Variants in NME9 observed in about 807,000 individuals in gnomAD.
NME9 encodes the protein NME/NM23 family member 9.
NME9 carries 48 observed loss-of-function variants against 44.4 expected under a neutral mutation model. That is an observed-to-expected ratio of 1.08 (90% confidence interval 0.86 to 1.37). The LOEUF is 1.37. NME9 is among the 40% of genes most tolerant of loss of function. The pLI, the probability that NME9 is intolerant of heterozygous loss-of-function variation, is 0.00. For synonymous variants in NME9, 139 were observed against 147.1 expected (o/e 0.94, Z 0.40); for missense variants, 325 against 405.2 (o/e 0.80, Z 1.70).
intron 8 of NME9, among the ~76,000 whole-genome samples, chr3:138,295,588 G>A (rs1180241056): frequency 1.3e-5 from 2 of 152,212 alleles, no homozygotes; most frequent in Admixed American, 1.3e-4. Flanking sequence ...ACATACCAGG[G>A]ACTGTGGAAT....
intron 2 of NME9, among the ~76,000 whole-genome samples, chr3:138,319,855 C>CTTCA (rs1039753376): frequency 6.6e-6 from 1 of 152,174 alleles, no homozygotes; most frequent in African/African-American, 2.4e-5. Context: ...CTTAAGGGTT[C>CTTCA]TTCAGGCTAC....
intron 2 of NME9, among the ~76,000 whole-genome samples, chr3:138,323,045 C>A (rs571178098): frequency 6.6e-6 from 1 of 152,250 alleles, no homozygotes; most frequent in Non-Finnish European, 1.5e-5. Flanking sequence ...ATACTGACAC[C>A]CACACAACTG....
rs1215370896 is a variant in NME9, at chr3:138,273,164, A to G, written c.746-10578T>C. ...CCAAATTAGCTAGCCCTGCATATGCATTGCAAGACATTGCTCTCTCTCTGT... is the reference window on the plus strand; with the variant it reads ...CCAAATTAGCTAGCCCTGCATATGCGTTGCAAGACATTGCTCTCTCTCTGT... On this transcript the variant is annotated intron_variant, in intron 8 of 8. Transcript: ENST00000317876. The G allele has an allele frequency of 7.2e-6, 11 of 1,528,212 alleles. No individual in the cohort carries two copies. In the South Asian group the frequency reaches 1.4e-4, roughly 19 times the overall value. 94.7% of individuals were successfully genotyped at this position (1,528,212 alleles called of 1,614,324 possible). A position where few individuals can be genotyped will look rare whatever the true frequency, so the allele number is the denominator to read the frequency against.
At chr3:138,275,566 A>C (rs529983686) in intron 8 of NME9, among the ~76,000 whole-genome samples, 1 of 152,312 alleles carries the variant, frequency 6.6e-6, no homozygotes, top group South Asian at 2.1e-4. Flanking sequence ...CTCAAAAAAA[A>C]AAAAATTCAT....
At chr3:138,303,017 G>A (rs568413443) in intron 10 of NME9, among the ~76,000 whole-genome samples, 1 of 152,214 alleles carries the variant, frequency 6.6e-6, no homozygotes, top group African/African-American at 2.4e-5. Context: ...TGAAGGGAAG[G>A]TCCTAAACAA....
At chr3:138,261,564 C>T (rs2047745181) in exon 9 of NME9, 1 of 152,102 alleles carries the variant, frequency 6.6e-6, no homozygotes, top group Non-Finnish European at 1.5e-5. Context: ...GTTTTTAAGT[C>T]ACAGTATTGT....
chr3:138,280,654 A>G (rs1370937555), intron 8 of NME9, among the ~76,000 whole-genome samples: 1 of 151,568 alleles, frequency 6.6e-6, no homozygotes, highest in Admixed American at 6.6e-5. Context: ...CCACCATGCC[A>G]GGCTAATTTT....
chr3:138,305,078 G>A (rs1410209547), intron 8 of NME9, 51 bp from the exon 9 acceptor site: 2 of 1,559,520 alleles, frequency 1.3e-6, no homozygotes, highest in South Asian at 2.3e-5. Context: ...GCTAGGGCCT[G>A]CAGAGGATCA....
intron 8 of NME9, among the ~76,000 whole-genome samples, chr3:138,284,035 C>T (rs536700882): frequency 6.6e-6 from 1 of 152,280 alleles, no homozygotes; most frequent in East Asian, 1.9e-4. Context: ...ACCTACAGAG[C>T]TTCCACCAAA....
At chr3:138,279,577 G>A (rs2049669061) in intron 8 of NME9, among the ~76,000 whole-genome samples, 1 of 151,896 alleles carries the variant, frequency 6.6e-6, no homozygotes. Context: ...GGAGGTGTTC[G>A]CTCTTCAATT....
chr3:138,325,013 C>A (rs751838351), intron 1 of NME9, 83 bp from the exon 2 acceptor site: 2 of 1,103,816 alleles, frequency 1.8e-6, no homozygotes, highest in Non-Finnish European at 2.8e-6. Flanking sequence ...AGATTTCTCT[C>A]TTCTATCTCT....
exon 9 of NME9, chr3:138,262,090 T>C (rs149803085): frequency 0.016 from 2,406 of 153,806 alleles, 52 homozygotes; most frequent in African/African-American, 0.055. Flanking sequence ...ACATCAGCAG[T>C]TGGTATCTGG....
intron 9 of NME9, among the ~76,000 whole-genome samples, chr3:138,304,268 A>G (rs943698498): frequency 3.3e-5 from 5 of 152,236 alleles, no homozygotes; most frequent in African/African-American, 1.2e-4. Flanking sequence ...CCTACAAAGT[A>G]CAACTGCAGT....
At position 138,291,372 on chromosome 3, in the gene NME9, G is replaced by A. The variant is rs562627938; in HGVS notation, c.745+12135C>T. Among the ~76,000 whole-genome samples, 4 of 152,254 alleles carry A rather than the reference G, an allele frequency of 2.6e-5. No homozygotes were observed. In the East Asian group the frequency reaches 7.7e-4, roughly 29 times the overall value. On this transcript the variant is annotated intron_variant, in intron 8 of 8. Coordinates refer to the NME9 transcript ENST00000317876. Reference sequence around the variant, plus strand: ...TGTCCGCTTACAGTAGCACACCTTCGTGCATTTACACATTCTGTTCCATCT... The same window carrying A: ...TGTCCGCTTACAGTAGCACACCTTCATGCATTTACACATTCTGTTCCATCT...
intron 8 of NME9, chr3:138,290,544 A>G: frequency 6.3e-7 from 1 of 1,596,732 alleles, no homozygotes; most frequent in Non-Finnish European, 8.5e-7. Context: ...TTAATCGTTT[A>G]GGTTCACAAG....
At chr3:138,307,855 A>G (rs2052390256) in intron 6 of NME9, among the ~76,000 whole-genome samples, 1 of 152,232 alleles carries the variant, frequency 6.6e-6, no homozygotes, top group East Asian at 1.9e-4. Flanking sequence ...GACATTGTGA[A>G]CATCATCCCA....
intron 8 of NME9, among the ~76,000 whole-genome samples, chr3:138,270,440 C>T (rs2048683476): frequency 6.6e-6 from 1 of 152,134 alleles, no homozygotes; most frequent in Non-Finnish European, 1.5e-5. Context: ...TGTAGCGCCA[C>T]CTACTTTACA....
At chr3:138,323,493 C>T (rs2053592392) in intron 2 of NME9, among the ~76,000 whole-genome samples, 1 of 152,170 alleles carries the variant, frequency 6.6e-6, no homozygotes, top group Non-Finnish European at 1.5e-5. Context: ...GGGGCCGCAG[C>T]AAGTGGGGTG....
chr3:138,294,391 T>C (rs543473242), intron 8 of NME9, among the ~76,000 whole-genome samples: 1 of 152,166 alleles, frequency 6.6e-6, no homozygotes, highest in Non-Finnish European at 1.5e-5. Flanking sequence ...GGGAGTCAGG[T>C]GGATGGTCTG....
Sources: allele counts gnomAD v4.1 joint callset (sites outside exome capture counted in the v4.1 genomes callset), GRCh38; gene constraint gnomAD v4.1.1; transcripts MANE v1.5; gene names NCBI Gene and HGNC (gene_info 2026-07-23, HGNC 2026-07-21).